The following WWOX variants were observed in gnomAD, a reference collection of about 807,000 sequenced individuals.
The protein encoded by WWOX is WW domain-containing oxidoreductase.
In WWOX, 69 loss-of-function variants were observed where a neutral mutation model predicts 46.2. The ratio of observed to expected loss-of-function variants is 1.49; its 90% CI spans 1.23 to 1.82. WWOX has a LOEUF of 1.82. WWOX is among the 40% of genes most tolerant of loss of function. WWOX has a pLI of 0.00. For synonymous variants in WWOX, 359 were observed against 202.6 expected, an observed-to-expected ratio of 1.77 and a Z score of -6.56; for missense variants, 919 against 542.6, an observed-to-expected ratio of 1.69 and a Z score of -6.89.
chr16:78,932,138 A>C (rs930135545), intron 8 of WWOX, among the ~76,000 whole-genome samples: 1 of 152,206 alleles, frequency 6.6e-6, no homozygotes, highest in African/African-American at 2.4e-5. Context: ...AGAACAAACT[A>C]ATACACCACT....
intron 8 of WWOX, among the ~76,000 whole-genome samples, chr16:78,796,678 C>G (rs137995077): frequency 1.3e-3 from 204 of 152,284 alleles, no homozygotes; most frequent in African/African-American, 4.6e-3. Context: ...ATCTGTTTAT[C>G]AGCATCATTG....
chr16:78,663,780 T>G (rs79054029), intron 8 of WWOX, among the ~76,000 whole-genome samples: 1 of 152,200 alleles, frequency 6.6e-6, no homozygotes, highest in East Asian at 1.9e-4. Flanking sequence ...ACACCCTGAA[T>G]GAAGAGAGCC....
chr16:78,994,274 G>A (rs1567467998), intron 8 of WWOX: 1 of 151,942 alleles, frequency 6.6e-6, no homozygotes, highest in Non-Finnish European at 1.5e-5. Flanking sequence ...ACCATTTAAA[G>A]AATAATTTTT....
intron 8 of WWOX, among the ~76,000 whole-genome samples, chr16:78,594,121 C>T (rs1373601761): frequency 6.6e-6 from 1 of 152,106 alleles, no homozygotes; most frequent in Admixed American, 6.5e-5. Flanking sequence ...TCCTTCTCAA[C>T]TCCTCCTCCT....
At chr16:78,642,644 G>C (rs1397400103) in intron 8 of WWOX, among the ~76,000 whole-genome samples, 1 of 152,090 alleles carries the variant, frequency 6.6e-6, no homozygotes, top group African/African-American at 2.4e-5. Context: ...TATGGATGAA[G>C]ACTCCCTTTC....
chr16:78,633,260 TCAAAA>T (rs931008476), intron 8 of WWOX, among the ~76,000 whole-genome samples: 12 of 152,092 alleles, frequency 7.9e-5, no homozygotes, highest in African/African-American at 2.2e-4. Flanking sequence ...AGATTCCATC[TCAAAA>T]CAAAACAAAA....
At chr16:78,968,178 C>T (rs556271818) in intron 8 of WWOX, among the ~76,000 whole-genome samples, 1 of 150,458 alleles carries the variant, frequency 6.6e-6, no homozygotes, top group Non-Finnish European at 1.5e-5. Flanking sequence ...GCGTGGTCTG[C>T]GTGGCACAGT....
chr16:78,756,022 G>A (rs965167969), intron 8 of WWOX, among the ~76,000 whole-genome samples: 2 of 152,136 alleles, frequency 1.3e-5, no homozygotes, highest in African/African-American at 2.4e-5. Flanking sequence ...TGGAGACAAG[G>A]CCTCATGTAT....
chr16:79,172,973 A>G (rs1466525378), intron 8 of WWOX, among the ~76,000 whole-genome samples: 2 of 152,160 alleles, frequency 1.3e-5, no homozygotes, highest in African/African-American at 2.4e-5. Flanking sequence ...GTGAACCATG[A>G]TGGTGCCACT....
intron 8 of WWOX, among the ~76,000 whole-genome samples, chr16:78,836,322 C>T (rs949352802): frequency 3.9e-5 from 6 of 152,058 alleles, no homozygotes; most frequent in Non-Finnish European, 5.9e-5. Context: ...GAGGTAAAAC[C>T]TTATGCTCCA....
intron 8 of WWOX, among the ~76,000 whole-genome samples, chr16:79,014,961 G>C (rs1239299184): frequency 6.6e-6 from 1 of 152,190 alleles, no homozygotes; most frequent in Admixed American, 6.5e-5. Flanking sequence ...GTAGGAGAAG[G>C]ATGTATCCAC....
chr16:78,189,206 C>T (rs1268939257), intron 5 of WWOX, among the ~76,000 whole-genome samples: 1 of 152,236 alleles, frequency 6.6e-6, no homozygotes, highest in Non-Finnish European at 1.5e-5. Context: ...CCAGAGGTGG[C>T]GTGGGCATGG....
At position 78,354,312 on chromosome 16, in the gene WWOX, C is replaced by CTTTTTT. The variant is rs55635025; in HGVS notation, c.517-32539_517-32534dup. Among the ~76,000 whole-genome samples the CTTTTTT allele has an allele frequency of 2.1e-3, 255 of 123,262 alleles. 11 individuals are homozygous for CTTTTTT. The highest frequency in any genetic ancestry group is 9.9e-3 in the Middle Eastern group (2 of 202). The allele number at this position is 123,262 out of a possible 152,430, so 80.9% of individuals were successfully genotyped here. ...AGACAGTGTCTGCTGATGTGCTTAA[C>CTTTTTT]TTTTTTTTTTTTTTGGTCAGGTGTG... On this transcript the variant is annotated intron_variant, in intron 5 of 8. Coordinates refer to ENST00000566780, the MANE Select transcript of WWOX (RefSeq NM_016373.4).
intron 8 of WWOX, among the ~76,000 whole-genome samples, chr16:79,017,887 T>A (rs1331790717): frequency 6.6e-6 from 1 of 152,176 alleles, no homozygotes; most frequent in Non-Finnish European, 1.5e-5. Flanking sequence ...TTTGCTGACA[T>A]CCAGGCTAGA....
intron 8 of WWOX, among the ~76,000 whole-genome samples, chr16:79,172,917 G>A (rs1178938355): frequency 6.6e-6 from 1 of 151,986 alleles, no homozygotes; most frequent in African/African-American, 2.4e-5. Context: ...GCTACTCAGG[G>A]GGCTGAGGCA....
intron 4 of WWOX, among the ~76,000 whole-genome samples, chr16:78,132,270 C>T (rs926297474): frequency 2.0e-5 from 3 of 152,126 alleles, no homozygotes; most frequent in Admixed American, 6.5e-5. Flanking sequence ...TCGTGATCTG[C>T]CCACCTCAGC....
chr16:78,296,471 T>C (rs2079945874), intron 5 of WWOX, among the ~76,000 whole-genome samples: 1 of 151,402 alleles, frequency 6.6e-6, no homozygotes, highest in Non-Finnish European at 1.5e-5. Flanking sequence ...AAACATATTG[T>C]TTTCTAATAC....
At chr16:78,955,690 G>T (rs954249389) in intron 8 of WWOX, among the ~76,000 whole-genome samples, 2 of 148,104 alleles carry the variant, frequency 1.4e-5, no homozygotes, top group Non-Finnish European at 3.0e-5. Flanking sequence ...TTGCTCTATT[G>T]CCCAGGCTGG....
intron 8 of WWOX, among the ~76,000 whole-genome samples, chr16:79,190,266 C>A (rs906351241): frequency 6.6e-5 from 10 of 152,134 alleles, no homozygotes; most frequent in Non-Finnish European, 1.5e-4. Context: ...CTCAAGTGAT[C>A]TGCCTGCCTC....
Sources: allele counts gnomAD v4.1 joint callset (sites outside exome capture counted in the v4.1 genomes callset), GRCh38; gene constraint gnomAD v4.1.1; transcripts MANE v1.5; gene names NCBI Gene and HGNC (gene_info 2026-07-23, HGNC 2026-07-21).